The following UTP25 variants were observed in gnomAD, a reference collection of about 807,000 sequenced individuals.
UTP25 encodes the protein UTP25 small subunit processome component, also known as U3 small nucleolar RNA-associated protein 25 homolog.
Under a neutral mutation model 78.9 loss-of-function variants are expected in UTP25, and 50 were observed. That is an observed-to-expected ratio of 0.63 (90% CI 0.50 to 0.80). UTP25 has a LOEUF of 0.80. Ranked by LOEUF, UTP25 falls within the 30% of genes least tolerant of loss-of-function variation. UTP25 has a pLI of 0.00. For missense variants in UTP25, 846 were observed against 911.3 expected, an observed-to-expected ratio of 0.93 and a Z score of 0.92; for synonymous variants, 329 against 336.5, an observed-to-expected ratio of 0.98 and a Z score of 0.24.
At chr1:209,832,811 GAGGTGGAGGT>G (rs2078110520) in intron 3 of UTP25, among the ~76,000 whole-genome samples, 1 of 152,206 alleles carries the variant, frequency 6.6e-6, no homozygotes. Context: ...TTGAGCCCAA[GAGGTGGAGGT>G]TGCAGTGAGC....
intron 3 of UTP25, among the ~76,000 whole-genome samples, chr1:209,832,927 G>C (rs1022117270): frequency 6.6e-6 from 1 of 151,966 alleles, no homozygotes; most frequent in African/African-American, 2.4e-5. Flanking sequence ...AAATACCCTC[G>C]CAGAAACATC....
At chr1:209,830,224 A>G in intron 2 of UTP25, 77 bp downstream of exon 2, 2 of 1,289,652 alleles carry the variant, frequency 1.6e-6, no homozygotes, top group Non-Finnish European at 2.2e-6. Context: ...ATAAAGCTTG[A>G]TTACATTTCT....
chr1:209,851,479 T>A lies in UTP25; in HGVS notation c.*32T>A. 1.3e-6 allele frequency: 2 copies of A among 1,569,532 alleles called. No homozygotes were observed. Among genetic ancestry groups the A allele is most frequent in the Non-Finnish European group, 1.7e-6 (2 of 1,158,472 alleles). Reference sequence around the variant, plus strand: ...GTTGGGCAGGAAGTGGTATTTGGCATGATACATAATGTTTGATTCTATGCC... The same window carrying A: ...GTTGGGCAGGAAGTGGTATTTGGCAAGATACATAATGTTTGATTCTATGCC... On this transcript the variant is annotated 3_prime_UTR_variant, in exon 12 of 12. Coordinates refer to ENST00000491415, the MANE Select transcript of UTP25 (RefSeq NM_014388.7).
At chr1:209,835,565 CAGT>C (rs1185514604) in intron 5 of UTP25, among the ~76,000 whole-genome samples, 1 of 152,156 alleles carries the variant, frequency 6.6e-6, no homozygotes. Flanking sequence ...TTCATTAAAA[CAGT>C]AGGTACTACT....
intron 4 of UTP25, among the ~76,000 whole-genome samples, chr1:209,834,831 G>T (rs924602993): frequency 6.6e-6 from 1 of 152,198 alleles, no homozygotes. Flanking sequence ...AAAGTGCTCT[G>T]AATTCCAGGC....
intron 11 of UTP25, among the ~76,000 whole-genome samples, chr1:209,846,318 TA>T (rs2078196574): frequency 1.3e-5 from 2 of 152,206 alleles, no homozygotes; most frequent in African/African-American, 4.8e-5. Flanking sequence ...AGCAGAATCT[TA>T]GAATTGGATG....
chr1:209,828,706 G>T (rs1039700904), intron 1 of UTP25, among the ~76,000 whole-genome samples: 2 of 146,632 alleles, frequency 1.4e-5, no homozygotes, highest in Non-Finnish European at 3.0e-5. Context: ...GCCCAGCTAT[G>T]GGGGCGGATT....
At chr1:209,841,186 C>T in intron 8 of UTP25, 131 bp downstream of exon 8, 1 of 912,524 alleles carries the variant, frequency 1.1e-6, no homozygotes, top group South Asian at 1.7e-5. Flanking sequence ...GACACACACT[C>T]CACATTTTCT....
Position 209,828,069 on chromosome 1 carries a change from C to G in UTP25, c.6C>G (p.Gly2=), listed in dbSNP as rs2078078377. 2.5e-6 allele frequency: 4 copies of G among 1,613,950 alleles called. No individual in the cohort carries two copies. The highest frequency in any genetic ancestry group is 3.4e-6 in the Non-Finnish European group (4 of 1,179,836). Residue 2 remains glycine, a synonymous_variant, in exon 1 of 12, where the codon GGC becomes GGG. Transcript: ENST00000491415. The stretch of plus-strand genomic sequence containing the variant: ...GCAAACTTGACGTTTTCGCTATGGG[C>G]AAACGCGGGAGCCGGAGCCAGAGCC... M[G]KRGSRSQSQL...
chr1:209,832,821 T>C (rs888237531), intron 3 of UTP25, among the ~76,000 whole-genome samples: 3 of 152,076 alleles, frequency 2.0e-5, no homozygotes, highest in Non-Finnish European at 4.4e-5. Context: ...GAGGTGGAGG[T>C]TGCAGTGAGC....
At chr1:209,843,779 C>T in intron 11 of UTP25, 83 bp downstream of exon 11, 1 of 1,517,090 alleles carries the variant, frequency 6.6e-7, no homozygotes, top group Non-Finnish European at 8.9e-7. Flanking sequence ...GCATGGCAGG[C>T]TTCGTGGTGT....
Position 209,842,338 on chromosome 1 carries a change from G to A in UTP25, c.1559G>A (p.Ser520Asn), listed in dbSNP as rs781090853. ...GACTTTTCTCGAGTGCGGATGTGGA[G>A]CCTCAATAATTGGTCCAAGTACTAT... ...GVDFSRVRMW[S>N]LNNWSKYYRQ... The change falls in exon 9 of 12, where the codon AGC (serine) becomes AAC (asparagine). Residue 520 changes from serine to asparagine, a missense_variant. Ser to Asn is a conservative substitution (Grantham distance 46). Coordinates refer to ENST00000491415, the MANE Select transcript of UTP25 (RefSeq NM_014388.7). The A allele has an allele frequency of 6.2e-7, 1 of 1,614,118 alleles. No individual in the cohort carries two copies. The highest frequency in any genetic ancestry group is 8.5e-7 in the Non-Finnish European group (1 of 1,179,976).
At chr1:209,845,825 G>A (rs1484272918) in intron 11 of UTP25, among the ~76,000 whole-genome samples, 5 of 144,180 alleles carry the variant, frequency 3.5e-5, no homozygotes, top group Non-Finnish European at 7.6e-5. Flanking sequence ...TTTTTAATTT[G>A]ACCTTAGAAT....
At chr1:209,849,599 T>G (rs147034670) in intron 11 of UTP25, among the ~76,000 whole-genome samples, 2 of 152,174 alleles carry the variant, frequency 1.3e-5, no homozygotes, top group East Asian at 1.9e-4. Context: ...GGGAAGTAGG[T>G]GGGCTTTCAT....
chr1:209,843,414 C>G, intron 10 of UTP25, 37 bp from the exon 11 acceptor site: 2 of 1,609,678 alleles, frequency 1.2e-6, no homozygotes, highest in Non-Finnish European at 1.7e-6. Context: ...AAGCTTAGCT[C>G]TAGACATTAA....
intron 4 of UTP25, among the ~76,000 whole-genome samples, chr1:209,834,749 A>C (rs1231281383): frequency 6.6e-6 from 1 of 152,242 alleles, no homozygotes; most frequent in Admixed American, 6.5e-5. Flanking sequence ...AAGGAAAAGC[A>C]CAGAGGCAGA....
chr1:209,829,798 C>A (rs969977945), intron 1 of UTP25, among the ~76,000 whole-genome samples: 1 of 152,144 alleles, frequency 6.6e-6, no homozygotes, highest in East Asian at 1.9e-4. Flanking sequence ...GAGGGACATT[C>A]TAATTAAGAA....
intron 7 of UTP25, 99 bp downstream of exon 7, chr1:209,839,227 T>TG: frequency 8.9e-7 from 1 of 1,126,372 alleles, no homozygotes; most frequent in Non-Finnish European, 1.3e-6. Context: ...GATCACTCAC[T>TG]GTGCCTCTTT....
Position 209,830,828 on chromosome 1 carries a change from C to T in UTP25, c.173C>T (p.Ser58Phe), listed in dbSNP as rs755929312. 2 of 1,613,764 alleles carry T rather than the reference C, an allele frequency of 1.2e-6. No individual in the cohort carries two copies. The highest frequency in any genetic ancestry group is 2.7e-5 in the African/African-American group (2 of 74,908). Residue 58 changes from serine (S) to phenylalanine (F), a missense_variant, in exon 3 of 12, where the codon TCT becomes TTT. Ser to Phe is a radical substitution (Grantham distance 155, BLOSUM62 -2). Coordinates refer to ENST00000491415, the MANE Select transcript of UTP25 (RefSeq NM_014388.7). Reference protein sequence around the residue: ...QLSESSDSSDSESDSESEPQQ... With the variant: ...QLSESSDSSDFESDSESEPQQ... Reference sequence around the variant, plus strand: ...TCAGAGAGTTCAGATTCTTCAGATTCTGAAAGCGACTCAGAGAGTGAACCA... The same window carrying T: ...TCAGAGAGTTCAGATTCTTCAGATTTTGAAAGCGACTCAGAGAGTGAACCA...
Sources: gnomAD v4.1 joint callset for allele counts (sites outside exome capture counted in the v4.1 genomes callset) on GRCh38, gnomAD v4.1.1 for gene constraint, MANE v1.5 for transcripts, NCBI Gene and HGNC (gene_info 2026-07-23, HGNC 2026-07-21) for gene names.